BLTP1: variants seen among roughly 807,000 people sequenced by gnomAD.
The protein encoded by BLTP1 is bridge-like lipid transfer protein family member 1.
chr4:122,214,826 G>A, the BLTP1 span, among the ~76,000 whole-genome samples: 2 of 151,662 alleles, frequency 1.3e-5, no homozygotes, highest in African/African-American at 4.8e-5. Flanking sequence ...TGCGCAGGCT[G>A]GTCTCGAACT....
At chr4:122,201,159 T>G in the BLTP1 span, 1 of 1,503,126 alleles carries the variant, frequency 6.7e-7, no homozygotes, top group South Asian at 1.2e-5. Flanking sequence ...TACAGTGAGA[T>G]TTATCACAGT....
the BLTP1 span, chr4:122,344,489 G>C: frequency 1.2e-6 from 2 of 1,613,996 alleles, no homozygotes; most frequent in South Asian, 1.1e-5. Context: ...TTCAGGAGGT[G>C]CCTCATTTTT....
At chr4:122,312,904 G>C in the BLTP1 span, 1 of 874,366 alleles carries the variant, frequency 1.1e-6, no homozygotes, top group Non-Finnish European at 1.4e-6. Context: ...TTGATATTTA[G>C]TTTCTTCTAA....
At chr4:122,328,638 G>A in the BLTP1 span, 18 of 982,442 alleles carry the variant, frequency 1.8e-5, no homozygotes, top group Non-Finnish European at 2.2e-5. Context: ...GTGGTTACGA[G>A]TAAATTAAAG....
the BLTP1 span, chr4:122,305,222 A>G: frequency 5.1e-6 from 5 of 982,500 alleles, no homozygotes; most frequent in Non-Finnish European, 6.0e-6. Flanking sequence ...GTATCTTCGT[A>G]ATCATTTGCT....
the BLTP1 span, chr4:122,198,179 A>G: frequency 3.1e-6 from 3 of 978,048 alleles, no homozygotes; most frequent in Admixed American, 1.8e-4. Context: ...ATCAATTGAA[A>G]AAGTGACTGT....
the BLTP1 span, among the ~76,000 whole-genome samples, chr4:122,327,463 A>T: frequency 6.6e-6 from 1 of 151,448 alleles, no homozygotes; most frequent in African/African-American, 2.4e-5. Context: ...AATATTTTCC[A>T]TCTGCACTTG....
the BLTP1 span, chr4:122,169,938 G>A: frequency 4.1e-6 from 4 of 985,096 alleles, no homozygotes; most frequent in Non-Finnish European, 4.8e-6. Context: ...ATTAAGTGGT[G>A]GCTTTGGGAC....
chr4:122,277,657 CA>C, the BLTP1 span: 1 of 968,626 alleles, frequency 1.0e-6, no homozygotes, highest in East Asian at 1.1e-4. Flanking sequence ...CATTATGAAT[CA>C]GACTTTTATC....
the BLTP1 span, chr4:122,251,273 C>T: frequency 3.1e-6 from 3 of 961,068 alleles, no homozygotes; most frequent in Non-Finnish European, 3.7e-6. Flanking sequence ...AATGTAGTAA[C>T]TGTTGTTCTT....
chr4:122,274,634 C>T, the BLTP1 span: 2 of 980,426 alleles, frequency 2.0e-6, no homozygotes, highest in Non-Finnish European at 2.4e-6. Flanking sequence ...GTGGTATATA[C>T]CTTCATTCCT....
At chr4:122,226,558 A>G in the BLTP1 span, 1 of 1,462,136 alleles carries the variant, frequency 6.8e-7, no homozygotes, top group Non-Finnish European at 9.0e-7. Flanking sequence ...GAAAAAAATC[A>G]TTGGCTAACA....
chr4:122,247,543 A>G, the BLTP1 span: 1 of 1,039,888 alleles, frequency 9.6e-7, no homozygotes, highest in East Asian at 2.7e-5. Context: ...TCTGTACAGA[A>G]TAGAAAATAA....
chr4:122,262,620 A>G, the BLTP1 span: 2 of 946,784 alleles, frequency 2.1e-6, no homozygotes, highest in Admixed American at 2.8e-5. Context: ...AGGATTCACC[A>G]CAATCCTAGT....
At chr4:122,183,380 C>T in the BLTP1 span, 1 of 952,834 alleles carries the variant, frequency 1.0e-6, no homozygotes, top group Non-Finnish European at 1.2e-6. Context: ...TTACATTCTG[C>T]ACTCTAGAAA....
chr4:122,263,096 C>A, the BLTP1 span: 14 of 1,371,436 alleles, frequency 1.0e-5, no homozygotes, highest in Admixed American at 2.8e-5. Context: ...ATCTCTCATA[C>A]CTTATCTTTG....
At chr4:122,274,300 C>T in the BLTP1 span, 2 of 1,036,500 alleles carry the variant, frequency 1.9e-6, no homozygotes, top group Non-Finnish European at 3.0e-6. Context: ...ATGCAAGTAT[C>T]TTATATCCAG....
chr4:122,349,507 G>T, the BLTP1 span: 1 of 1,608,492 alleles, frequency 6.2e-7, no homozygotes, highest in Non-Finnish European at 8.5e-7. This position sits in a 1 kb window ranked among gnomAD's most constrained non-coding sequence, Gnocchi z 4.5. Context: ...ATTACTATGG[G>T]TTCTACTGAA....
At chr4:122,163,547 G>T in the BLTP1 span, among the ~76,000 whole-genome samples, 1 of 152,076 alleles carries the variant, frequency 6.6e-6, no homozygotes, top group Non-Finnish European at 1.5e-5. Context: ...CAGTATATGG[G>T]CAAGACACCA....
Sources: gnomAD v4.1 joint callset for allele counts (sites outside exome capture counted in the v4.1 genomes callset) on GRCh38, gnomAD v4.1.1 for gene constraint, Gnocchi (gnomAD v3.1) non-coding constraint, MANE v1.5 for transcripts, NCBI Gene and HGNC (gene_info 2026-07-23, HGNC 2026-07-21) for gene names.